GSG1L: variants seen among roughly 807,000 people sequenced by gnomAD.
GSG1L encodes germ cell-specific gene 1-like protein.
Under a neutral mutation model 42.1 loss-of-function variants are expected in GSG1L, and 24 were observed. The ratio of observed to expected loss-of-function variants is 0.57; its 90% CI spans 0.41 to 0.80. GSG1L has a LOEUF of 0.80. GSG1L is among the 30% of genes least tolerant of loss of function. GSG1L has a pLI of 0.00. For missense variants in GSG1L, 445 were observed against 472.2 expected (o/e 0.94, Z 0.53); for synonymous variants, 215 against 203.5 (o/e 1.06, Z -0.48).
At chr16:28,017,064 TCAGGTG>T (rs1298472357) in intron 1 of GSG1L, among the ~76,000 whole-genome samples, 1 of 152,238 alleles carries the variant, frequency 6.6e-6, no homozygotes, top group Non-Finnish European at 1.5e-5. Context: ...GTGAATCAAA[TCAGGTG>T]CAGTTCTGAT....
chr16:28,063,250 C>T lies in GSG1L; in HGVS notation c.175G>A (p.Ala59Thr). 7.7e-7 allele frequency: 1 copy of T among 1,300,702 alleles called. No individual in the cohort carries two copies. Among genetic ancestry groups the T allele is most frequent in the South Asian group, 2.1e-5 (1 of 48,342 alleles). The allele number at this position is 1,300,702 out of a possible 1,614,324, so 80.6% of individuals were successfully genotyped here. ...GGGGCGGCGGTGCCGTTGGCCGTGG[C>T]GTTGGCGCCCGAGTTGGGGCAGTTG... ...RANCPNSGAN[A>T]TANGTAAPAA... Residue 59 changes from alanine (A) to threonine (T), a missense_variant, in exon 1 of 7, where the codon GCC becomes ACC. This residue lies in a region of GSG1L where 156 missense variants were observed against 128.3 expected (regional missense o/e 1.22). Coordinates refer to ENST00000447459, the MANE Select transcript of GSG1L (RefSeq NM_001109763.2). The surrounding 1 kb of genome is among the most constrained non-coding windows in gnomAD (Gnocchi z 5.8).
At chr16:27,803,524 G>C (rs1018247101) in intron 6 of GSG1L, among the ~76,000 whole-genome samples, 3 of 151,908 alleles carry the variant, frequency 2.0e-5, no homozygotes, top group Non-Finnish European at 1.5e-5. Context: ...TAAAGCACTT[G>C]CTGTTATATC....
At chr16:27,998,661 C>T (rs993161195) in intron 1 of GSG1L, among the ~76,000 whole-genome samples, 2 of 152,106 alleles carry the variant, frequency 1.3e-5, no homozygotes, top group Admixed American at 1.3e-4. Context: ...GTGGCATGAA[C>T]CTCTAGTCCC....
At chr16:28,036,709 TTGAGC>T (rs898662221) in intron 1 of GSG1L, among the ~76,000 whole-genome samples, 1 of 152,192 alleles carries the variant, frequency 6.6e-6, no homozygotes, top group Non-Finnish European at 1.5e-5. Context: ...CAGTTCTGCT[TTGAGC>T]TGAGCTTGTT....
intron 1 of GSG1L, among the ~76,000 whole-genome samples, chr16:28,020,882 T>G (rs2085834854): frequency 1.3e-5 from 2 of 152,278 alleles, no homozygotes; most frequent in African/African-American, 2.4e-5. Flanking sequence ...GATTCTCCAG[T>G]GCCAGTCAAA....
chr16:27,913,446 C>T (rs954088055), intron 2 of GSG1L, among the ~76,000 whole-genome samples: 1 of 152,046 alleles, frequency 6.6e-6, no homozygotes, highest in Non-Finnish European at 1.5e-5. Flanking sequence ...GTATTTTGAA[C>T]TTATTTTCAT....
chr16:27,970,000 T>C (rs757898521), intron 1 of GSG1L, among the ~76,000 whole-genome samples: 17 of 152,254 alleles, frequency 1.1e-4, no homozygotes, highest in Non-Finnish European at 2.1e-4. Context: ...CCCATTTCTA[T>C]ATCTTCTTTG....
intron 1 of GSG1L, among the ~76,000 whole-genome samples, chr16:28,054,728 A>C (rs1208055823): frequency 6.6e-6 from 1 of 152,110 alleles, no homozygotes; most frequent in Admixed American, 6.5e-5. Context: ...CAATCCTGTC[A>C]AGAGCAAAAC....
At chr16:28,005,501 T>C (rs913866961) in intron 1 of GSG1L, among the ~76,000 whole-genome samples, 1 of 152,204 alleles carries the variant, frequency 6.6e-6, no homozygotes, top group Non-Finnish European at 1.5e-5. Flanking sequence ...ATACTCCATA[T>C]TGGATTAGGG....
At chr16:28,056,476 G>A (rs909529296) in intron 1 of GSG1L, among the ~76,000 whole-genome samples, 1 of 113,992 alleles carries the variant, frequency 8.8e-6, no homozygotes, top group Admixed American at 9.8e-5. Flanking sequence ...CTGTTGGGTG[G>A]GGGGAGGGGG....
intron 5 of GSG1L, among the ~76,000 whole-genome samples, chr16:27,818,635 A>G (rs922278434): frequency 3.9e-5 from 6 of 152,170 alleles, no homozygotes; most frequent in African/African-American, 1.2e-4. Flanking sequence ...CAAAGAACAC[A>G]TTGATTTTTA....
At position 27,922,856 on chromosome 16, in the gene GSG1L, T is replaced by A. The variant is rs139773508; in HGVS notation, c.398-38218A>T. 3.1e-3 allele frequency among the ~76,000 whole-genome samples: 478 copies of A among 152,214 alleles called. 4 individuals carry two copies. The highest frequency in any genetic ancestry group is 0.011 in the African/African-American group (455 of 41,530). On this transcript the variant is annotated intron_variant, in intron 2 of 6. Coordinates refer to ENST00000447459, the MANE Select transcript of GSG1L (RefSeq NM_001109763.2). ...TGTGGTGCAGTGGTGCAATCATAGCTCACTGCAGCCTCACACGACCCCCTG... is the reference window on the plus strand; with the variant it reads ...TGTGGTGCAGTGGTGCAATCATAGCACACTGCAGCCTCACACGACCCCCTG...
intron 2 of GSG1L, among the ~76,000 whole-genome samples, chr16:27,957,201 G>A (rs72784138): frequency 0.048 from 7,365 of 152,196 alleles, 247 homozygotes; most frequent in Non-Finnish European, 0.073. Context: ...ATACAAAATA[G>A]CTGGATGTGG....
intron 2 of GSG1L, among the ~76,000 whole-genome samples, chr16:27,915,672 A>C (rs577412077): frequency 4.6e-5 from 7 of 152,298 alleles, no homozygotes; most frequent in African/African-American, 1.4e-4. Flanking sequence ...AGGATTGGGG[A>C]AACTGAGAGG....
chr16:27,850,589 G>A (rs550218382), intron 3 of GSG1L: 59 of 455,708 alleles, frequency 1.3e-4, no homozygotes, highest in Non-Finnish European at 1.9e-4. Context: ...AGAGTGGCCA[G>A]GGAGGCTGAG....
At chr16:27,890,006 T>C (rs1173857846) in intron 2 of GSG1L, among the ~76,000 whole-genome samples, 3 of 152,170 alleles carry the variant, frequency 2.0e-5, no homozygotes, top group Non-Finnish European at 4.4e-5. Flanking sequence ...ATAGTCTAGA[T>C]TCAAACTCAT....
chr16:28,018,154 AGAGAACAT>A (rs2085801017), intron 1 of GSG1L, among the ~76,000 whole-genome samples: 1 of 152,236 alleles, frequency 6.6e-6, no homozygotes, highest in African/African-American at 2.4e-5. Context: ...CCATACCATC[AGAGAACAT>A]GTTGTTCAAA....
chr16:28,007,911 C>T (rs1471517509), intron 1 of GSG1L, among the ~76,000 whole-genome samples: 1 of 152,052 alleles, frequency 6.6e-6, no homozygotes. Flanking sequence ...TTAAGCATAC[C>T]CTGTATGGCA....
At chr16:27,888,483 CTTT>C (rs2084071410) in intron 2 of GSG1L, among the ~76,000 whole-genome samples, 1 of 5,370 alleles carries the variant, frequency 1.9e-4, no homozygotes, top group Non-Finnish European at 4.5e-4. Context: ...TCTCTCTTTC[CTTT>C]CTTTCTTTCT....
Sources: gnomAD v4.1 joint callset for allele counts (sites outside exome capture counted in the v4.1 genomes callset) on GRCh38, gnomAD v4.1.1 for gene constraint, gnomAD v4.1.1 regional missense constraint, Gnocchi (gnomAD v3.1) non-coding constraint, MANE v1.5 for transcripts, NCBI Gene and HGNC (gene_info 2026-07-23, HGNC 2026-07-21) for gene names.